LDLRAP1: variants seen among roughly 807,000 people sequenced by gnomAD.
LDLRAP1 encodes low density lipoprotein receptor adaptor protein 1, also known as low density lipoprotein receptor adapter protein 1.
LDLRAP1 carries 30 observed loss-of-function variants against 37.8 expected under a neutral mutation model. The observed-to-expected ratio is 0.79, with a 90% CI of 0.59 to 1.08. The LOEUF (loss-of-function observed/expected upper bound fraction) is 1.08, where lower values mean the gene tolerates loss of function less well. Ranked by LOEUF, LDLRAP1 falls within the 50% of genes least tolerant of loss-of-function variation. The probability of loss-of-function intolerance (pLI) is 0.00; values close to 1 mark genes in which losing one functional copy is unlikely to be tolerated. For missense variants in LDLRAP1, 375 were observed against 401.6 expected, an observed-to-expected ratio of 0.93 and a Z score of 0.57; for synonymous variants, 156 against 169.8, an observed-to-expected ratio of 0.92 and a Z score of 0.63.
chr1:25,548,636 A>G (rs1303204927), intron 1 of LDLRAP1, among the ~76,000 whole-genome samples: 2 of 151,960 alleles, frequency 1.3e-5, no homozygotes, highest in South Asian at 2.1e-4. Context: ...GACATGAGCT[A>G]CCACGCCTGG....
Position 25,554,130 on chromosome 1 carries a change from C to T in LDLRAP1, c.231+66C>T. ...AAGGACCAGCTTCTTCCCAGGGTGC[C>T]CTCGTCCCAGCTTGTTACTCCAGTT... On this transcript the variant is annotated intron_variant, in intron 2 of 8. Transcript: ENST00000374338. This position sits in a 1 kb window ranked among gnomAD's most constrained non-coding sequence, Gnocchi z 5.4. 5 of 1,592,714 alleles carry T rather than the reference C, an allele frequency of 3.1e-6. No homozygotes were observed. The South Asian group carries it at 5.5e-5, about 18-fold the overall frequency.
the LDLRAP1 span, among the ~76,000 whole-genome samples, chr1:25,586,106 G>T: frequency 6.6e-6 from 1 of 152,192 alleles, no homozygotes; most frequent in East Asian, 1.9e-4. The surrounding 1 kb of genome is among the most constrained non-coding windows in gnomAD (Gnocchi z 4.3). Context: ...CATCTTTCCA[G>T]GGGTCTGGGC....
At chr1:25,561,928 CT>C (rs1160473191) in intron 4 of LDLRAP1, among the ~76,000 whole-genome samples, 4 of 152,010 alleles carry the variant, frequency 2.6e-5, no homozygotes, top group Non-Finnish European at 5.9e-5. Context: ...CTCGAGGAGT[CT>C]GGGACTGGTG....
the LDLRAP1 span, among the ~76,000 whole-genome samples, chr1:25,578,287 C>T: frequency 6.6e-6 from 1 of 152,166 alleles, no homozygotes; most frequent in East Asian, 1.9e-4. Flanking sequence ...TAGACAGAGG[C>T]CTACGGCCCT....
chr1:25,562,284 C>T (rs1287120129), intron 4 of LDLRAP1, among the ~76,000 whole-genome samples: 1 of 152,178 alleles, frequency 6.6e-6, no homozygotes, highest in African/African-American at 2.4e-5. Flanking sequence ...AAGTAAGCCT[C>T]ACAGTTCATT....
Position 25,566,793 on chromosome 1 carries a change from C to G in LDLRAP1, c.783-55C>G, listed in dbSNP as rs758832983. On this transcript the variant is annotated intron_variant, in intron 8 of 8. Coordinates refer to ENST00000374338, the MANE Select transcript of LDLRAP1 (RefSeq NM_015627.3). ...CACTGGTGCCCCCTCGCGTCTGACC[C>G]TGGGGCGCGCCAGCCCTCACCCAGG... The G allele has an allele frequency of 3.5e-5, 55 of 1,577,086 alleles. No homozygotes were observed. The East Asian group carries it at 1.1e-3, about 33-fold the overall frequency.
At chr1:25,569,638 A>G (rs1278049284), downstream of LDLRAP1, among the ~76,000 whole-genome samples, 1 of 152,254 alleles carries the variant, frequency 6.6e-6, no homozygotes, top group African/African-American at 2.4e-5. Flanking sequence ...AACCAAAGGC[A>G]ACTGGAACTC....
rs528225719 is a variant in LDLRAP1 at position 25,555,752 on chromosome 1, T to C, written c.344+780T>C. On this transcript the variant is annotated intron_variant, in intron 3 of 8. Transcript: ENST00000374338. This position sits in a 1 kb window ranked among gnomAD's most constrained non-coding sequence, Gnocchi z 4.7. ...GTGTTGTGGGGGTCTGGCTGATGTC[T>C]TCCTCTCACCGGCCTGATCATACCT... Among the ~76,000 whole-genome samples, 1 of 152,294 alleles carries C rather than the reference T, an allele frequency of 6.6e-6. No individual in the cohort carries two copies. The highest frequency in any genetic ancestry group is 1.5e-5 in the Non-Finnish European group (1 of 68,006).
rs1331894530 is a variant in LDLRAP1, at chr1:25,543,777, C to T, written c.79C>T (p.Arg27Trp). 4 of 1,207,682 alleles carry T rather than the reference C, an allele frequency of 3.3e-6. No homozygotes were observed. Among genetic ancestry groups the T allele is most frequent in the Non-Finnish European group, 4.1e-6 (4 of 972,212 alleles). 74.8% of individuals were successfully genotyped at this position (1,207,682 alleles called of 1,614,324 possible). A position where few individuals can be genotyped will look rare whatever the true frequency, so the allele number is the denominator to read the frequency against. ...LAKQSWGGGG[R>W]HRKLPENWTD... The stretch of plus-strand genomic sequence containing the variant: ...CAAGCAGAGCTGGGGGGGCGGTGGC[C>T]GGCACCGCAGTGAGTGTGCGCGCGT... The change falls in exon 1 of 9, where the codon CGG (arginine) becomes TGG (tryptophan). Residue 27 changes from arginine to tryptophan, a missense_variant. Arg to Trp is a moderately radical substitution (Grantham distance 101, BLOSUM62 -3). Coordinates refer to ENST00000374338, the MANE Select transcript of LDLRAP1 (RefSeq NM_015627.3).
downstream of LDLRAP1, among the ~76,000 whole-genome samples, chr1:25,570,821 T>C (rs1314220723): frequency 6.6e-6 from 1 of 152,144 alleles, no homozygotes; most frequent in African/African-American, 2.4e-5. Flanking sequence ...ATCGGGCCAC[T>C]ACACTCCAGC....
At chr1:25,586,920 CA>C in the LDLRAP1 span, among the ~76,000 whole-genome samples, 2 of 152,130 alleles carry the variant, frequency 1.3e-5, no homozygotes, top group Non-Finnish European at 2.9e-5. This position sits in a 1 kb window ranked among gnomAD's most constrained non-coding sequence, Gnocchi z 4.3. Flanking sequence ...CATGCTTAGC[CA>C]TGATCATAGT....
intron 1 of LDLRAP1, among the ~76,000 whole-genome samples, chr1:25,545,064 A>T (rs2043900701): frequency 6.6e-6 from 1 of 152,156 alleles, no homozygotes; most frequent in Admixed American, 6.5e-5. Flanking sequence ...GGGGTCAGAG[A>T]CCCATTAGGG....
the LDLRAP1 span, among the ~76,000 whole-genome samples, chr1:25,586,401 G>T: frequency 6.6e-6 from 1 of 152,194 alleles, no homozygotes; most frequent in Non-Finnish European, 1.5e-5. This position sits in a 1 kb window ranked among gnomAD's most constrained non-coding sequence, Gnocchi z 4.3. Context: ...GATCTGGGCA[G>T]ACTGGTCCCT....
At chr1:25,569,672 A>G (rs1243234103), downstream of LDLRAP1, among the ~76,000 whole-genome samples, 2 of 152,232 alleles carry the variant, frequency 1.3e-5, no homozygotes, top group Non-Finnish European at 2.9e-5. Context: ...ATGGTAAAGT[A>G]AAATAGTTAG....
In LDLRAP1 at chr1:25,563,046, A is replaced by G. The variant is rs760315043; in HGVS notation, c.533-24A>G. 5 of 1,610,612 alleles carry G rather than the reference A, an allele frequency of 3.1e-6. No homozygotes were observed. In the East Asian group the frequency reaches 6.7e-5, roughly 22 times the overall value. Reference sequence around the variant, plus strand: ...CAGAGTGCTGGGGTCTGAGGCTCCAACATGTTGTGCCTTGGTCCTGCAGAG... The same window carrying G: ...CAGAGTGCTGGGGTCTGAGGCTCCAGCATGTTGTGCCTTGGTCCTGCAGAG... On this transcript the variant is annotated intron_variant, in intron 5 of 8. Transcript: ENST00000374338.
At chr1:25,552,633 C>T (rs1557698774) in intron 1 of LDLRAP1, among the ~76,000 whole-genome samples, 1 of 152,192 alleles carries the variant, frequency 6.6e-6, no homozygotes, top group Non-Finnish European at 1.5e-5. Context: ...CAGGAAGGGG[C>T]TCTGGCAGGT....
rs2044383794 is a variant in LDLRAP1, at chr1:25,563,099, G to C, written c.562G>C (p.Glu188Gln). 6.2e-7 allele frequency: 1 copy of C among 1,614,134 alleles called. No individual in the cohort carries two copies. Among genetic ancestry groups the C allele is most frequent in the Non-Finnish European group, 8.5e-7 (1 of 1,180,016 alleles). ...AGAGAAGAGGGACAAAGCCAGCCAA[G>C]AGGGAGGGGACGTCCTGGGGGCCCG... ...EKEKRDKASQEGGDVLGARQD... is the reference protein window; with the variant it reads ...EKEKRDKASQQGGDVLGARQD... The change falls in exon 6 of 9, where the codon GAG becomes CAG. Residue 188 changes from glutamate to glutamine, a missense_variant. Glu to Gln is a conservative substitution (Grantham distance 29, BLOSUM62 2). Transcript: ENST00000374338.
chr1:25,561,395 C>T (rs917255550), intron 4 of LDLRAP1, among the ~76,000 whole-genome samples: 1 of 152,102 alleles, frequency 6.6e-6, no homozygotes, highest in South Asian at 2.1e-4. Flanking sequence ...GTAATTGGCA[C>T]GGATCAGTCA....
the LDLRAP1 span, among the ~76,000 whole-genome samples, chr1:25,588,765 G>A: frequency 1.8e-4 from 27 of 151,902 alleles, no homozygotes; most frequent in South Asian, 5.4e-3. Flanking sequence ...CAAGTCTCTC[G>A]TTCCACCTAA....
Sources: gnomAD v4.1 joint callset for allele counts (sites outside exome capture counted in the v4.1 genomes callset) on GRCh38, gnomAD v4.1.1 for gene constraint, Gnocchi (gnomAD v3.1) non-coding constraint, MANE v1.5 for transcripts, NCBI Gene and HGNC (gene_info 2026-07-23, HGNC 2026-07-21) for gene names.